The following WDR27 variants were observed in gnomAD, a reference collection of about 807,000 sequenced individuals.
The protein encoded by WDR27 is WD repeat-containing protein 27.
Under a neutral mutation model 114.4 loss-of-function variants are expected in WDR27, and 100 were observed. The ratio of observed to expected loss-of-function variants is 0.87; its 90% CI spans 0.74 to 1.03. The LOEUF is 1.03. WDR27 is among the 50% of genes least tolerant of loss of function. The pLI, the probability that WDR27 is intolerant of heterozygous loss-of-function variation, is 0.00. For missense variants in WDR27, 1,129 were observed against 1,092.9 expected (o/e 1.03, Z -0.47); for synonymous variants, 449 against 423.1 (o/e 1.06, Z -0.75).
chr6:169,498,578 T>C (rs1378618635), intron 25 of WDR27, among the ~76,000 whole-genome samples: 4 of 151,576 alleles, frequency 2.6e-5, no homozygotes, highest in Non-Finnish European at 4.4e-5. Context: ...CAAAAGGAGG[T>C]TGCATAAACG....
intron 2 of WDR27, 35 bp downstream of exon 2, chr6:169,688,782 C>T (rs766514477): frequency 2.0e-6 from 3 of 1,523,194 alleles, no homozygotes; most frequent in Non-Finnish European, 2.7e-6. Context: ...AAGGGCAAGG[C>T]CTTCATGACA....
At chr6:169,581,798 C>G (rs1343011620) in intron 24 of WDR27, among the ~76,000 whole-genome samples, 1 of 80,082 alleles carries the variant, frequency 1.2e-5, no homozygotes. Context: ...GCGATACGTC[C>G]TATAGCAGAG....
intron 13 of WDR27, among the ~76,000 whole-genome samples, chr6:169,655,708 A>C (rs1309169572): frequency 6.6e-6 from 1 of 152,136 alleles, no homozygotes; most frequent in Non-Finnish European, 1.5e-5. Context: ...AAGGGTGAGC[A>C]GGGCAGAGTT....
intron 22 of WDR27, 92 bp from the exon 23 acceptor site, chr6:169,602,413 A>G: frequency 1.3e-6 from 1 of 757,894 alleles, no homozygotes; most frequent in Non-Finnish European, 2.2e-6. Context: ...TTTTCTTCAC[A>G]AAAAGGAACA....
intron 22 of WDR27, among the ~76,000 whole-genome samples, chr6:169,606,667 T>C (rs916571001): frequency 6.6e-6 from 1 of 152,250 alleles, no homozygotes; most frequent in Admixed American, 6.5e-5. Flanking sequence ...GGTTGCCTAG[T>C]ATTCCATGGT....
At chr6:169,551,606 G>A (rs796118544) in intron 25 of WDR27, among the ~76,000 whole-genome samples, 11 of 151,968 alleles carry the variant, frequency 7.2e-5, no homozygotes, top group African/African-American at 2.4e-4. Flanking sequence ...GCATGGTGGT[G>A]GGTGCCTGTA....
At chr6:169,545,276 A>G (rs1185577536) in intron 25 of WDR27, among the ~76,000 whole-genome samples, 1 of 152,268 alleles carries the variant, frequency 6.6e-6, no homozygotes, top group Non-Finnish European at 1.5e-5. Flanking sequence ...ATATTTGATA[A>G]AGGTGTAAAA....
chr6:169,580,993 C>A (rs1467192466), intron 24 of WDR27, among the ~76,000 whole-genome samples: 1 of 146,530 alleles, frequency 6.8e-6, no homozygotes, highest in South Asian at 2.2e-4. Context: ...ATATCATTAT[C>A]CTTAATGAAT....
chr6:169,586,476 T>C (rs1327450872), intron 23 of WDR27, among the ~76,000 whole-genome samples: 1 of 152,110 alleles, frequency 6.6e-6, no homozygotes, highest in Non-Finnish European at 1.5e-5. Flanking sequence ...TGACAGATGT[T>C]TGGGGGCAAG....
chr6:169,495,463 TAAA>T (rs1790279107), intron 25 of WDR27, among the ~76,000 whole-genome samples: 1 of 150,970 alleles, frequency 6.6e-6, no homozygotes, highest in Non-Finnish European at 1.5e-5. Flanking sequence ...AAATATAAAA[TAAA>T]GAAGATATAA....
chr6:169,582,063 T>C (rs913945492), intron 24 of WDR27, among the ~76,000 whole-genome samples: 2 of 152,182 alleles, frequency 1.3e-5, no homozygotes, highest in Admixed American at 1.3e-4. Context: ...AACCGCCGCC[T>C]CCCAGGTTCA....
chr6:169,567,185 G>C (rs1427670224), intron 25 of WDR27, among the ~76,000 whole-genome samples: 1 of 152,160 alleles, frequency 6.6e-6, no homozygotes, highest in Non-Finnish European at 1.5e-5. Flanking sequence ...GGGAGGACCC[G>C]GGATGCCACA....
intron 21 of WDR27, among the ~76,000 whole-genome samples, chr6:169,629,201 T>A (rs1270979782): frequency 6.6e-6 from 1 of 152,244 alleles, no homozygotes; most frequent in Non-Finnish European, 1.5e-5. Flanking sequence ...TTTACCATTA[T>A]CTTAAACCTT....
At chr6:169,426,670 G>A in the WDR27 span, 5 of 152,476 alleles carry the variant, frequency 3.3e-5, no homozygotes, top group East Asian at 9.6e-4. Flanking sequence ...CTCTGCTCCA[G>A]GATCTGGGTG....
intron 25 of WDR27, chr6:169,558,902 C>A (rs1329209886): frequency 1.3e-5 from 2 of 152,198 alleles, no homozygotes; most frequent in African/African-American, 4.8e-5. Context: ...AAGTTACTTA[C>A]ATTTGAATCC....
At chr6:169,590,742 G>A (rs942339486) in intron 23 of WDR27, among the ~76,000 whole-genome samples, 7 of 152,218 alleles carry the variant, frequency 4.6e-5, no homozygotes, top group South Asian at 2.1e-4. Context: ...TTGTAAAGAC[G>A]TAGCAGAACA....
At chr6:169,514,697 T>G (rs940771979) in intron 25 of WDR27, among the ~76,000 whole-genome samples, 1 of 148,368 alleles carries the variant, frequency 6.7e-6, no homozygotes, top group Non-Finnish European at 1.5e-5. Context: ...GAATAAAAGG[T>G]TGGCTTAACA....
At chr6:169,583,423 T>TA (rs1266816152) in intron 23 of WDR27, among the ~76,000 whole-genome samples, 1 of 48,288 alleles carries the variant, frequency 2.1e-5, no homozygotes, top group African/African-American at 3.6e-5. Context: ...TTCAAATACT[T>TA]AGATTTTTTA....
chr6:169,578,197 G>C (rs1023753974), intron 24 of WDR27, among the ~76,000 whole-genome samples: 1 of 152,222 alleles, frequency 6.6e-6, no homozygotes, highest in African/African-American at 2.4e-5. Flanking sequence ...GTGAAAGTGT[G>C]ACATGGTCCT....
Sources: gnomAD v4.1 joint callset for allele counts (sites outside exome capture counted in the v4.1 genomes callset) on GRCh38, gnomAD v4.1.1 for gene constraint, MANE v1.5 for transcripts, NCBI Gene and HGNC (gene_info 2026-07-23, HGNC 2026-07-21) for gene names.